CDH7: variants seen among roughly 807,000 people sequenced by gnomAD.
The protein encoded by CDH7 is cadherin-7.
Under a neutral mutation model 71.8 loss-of-function variants are expected in CDH7, and 25 were observed. That is an observed-to-expected ratio of 0.35 (90% CI 0.25 to 0.49). The LOEUF is 0.49. CDH7 is among the 20% of genes least tolerant of loss of function. The probability of loss-of-function intolerance (pLI) is 0.99; values close to 1 mark genes in which losing one functional copy is unlikely to be tolerated. For synonymous variants in CDH7, 381 were observed against 363.8 expected (o/e 1.05, Z -0.54); for missense variants, 862 against 974.6 (o/e 0.88, Z 1.54).
Position 65,843,996 on chromosome 18 carries a change from C to G in CDH7, c.1166C>G (p.Ala389Gly). 1 of 1,612,930 alleles carries G rather than the reference C, an allele frequency of 6.2e-7. No homozygotes were observed. Among genetic ancestry groups the G allele is most frequent in the Middle Eastern group, 1.7e-4 (1 of 6,060 alleles). ...SPLYPMEVSEATQVGNIIGTV... is the reference protein window; with the variant it reads ...SPLYPMEVSEGTQVGNIIGTV... ...TTGTACCCTATGGAGGTGTCGGAAG[C>G]TACCCAGGTTGGGAATATCATTGGC... The change falls in exon 7 of 12, where the codon GCT becomes GGT. Residue 389 changes from alanine (A) to glycine (G), a missense_variant. Coordinates refer to ENST00000397968, the MANE Select transcript of CDH7 (RefSeq NM_004361.5).
In CDH7 at chr18:65,880,472, A is replaced by G; in HGVS notation, c.1936A>G (p.Ile646Val). ...EPLIFDEERD[I>V]RENIVRYDDE... ...CCTTATTTTTGACGAAGAAAGAGAC[A>G]TCAGAGAAAATATTGTGAGATACGA... The change falls in exon 12 of 12, where the codon ATC becomes GTC. Residue 646 changes from isoleucine (I) to valine (V), a missense_variant. Ile to Val is a conservative substitution (Grantham distance 29). Coordinates refer to ENST00000397968, the MANE Select transcript of CDH7 (RefSeq NM_004361.5). 6.3e-7 allele frequency: 1 copy of G among 1,595,268 alleles called. No individual in the cohort carries two copies. The highest frequency in any genetic ancestry group is 8.5e-7 in the Non-Finnish European group (1 of 1,174,594).
chr18:65,855,626 A>G (rs920491099), intron 7 of CDH7, among the ~76,000 whole-genome samples: 13 of 152,310 alleles, frequency 8.5e-5, no homozygotes, highest in African/African-American at 3.1e-4. Context: ...AAATGGAAAT[A>G]TCCAAGCCCA....
intron 6 of CDH7, among the ~76,000 whole-genome samples, chr18:65,841,407 A>G (rs1045638633): frequency 6.6e-6 from 1 of 152,178 alleles, no homozygotes; most frequent in Non-Finnish European, 1.5e-5. Context: ...GAAAACCTGA[A>G]TAAATAACTT....
chr18:65,797,317 T>C (rs766772537), intron 2 of CDH7, among the ~76,000 whole-genome samples: 4 of 152,210 alleles, frequency 2.6e-5, no homozygotes, highest in Non-Finnish European at 5.9e-5. Context: ...CACTCTCTTT[T>C]TTCCCTTTTT....
chr18:65,811,492 A>T (rs1159323657), intron 3 of CDH7, among the ~76,000 whole-genome samples: 2 of 152,128 alleles, frequency 1.3e-5, no homozygotes, highest in Admixed American at 1.3e-4. Context: ...CATTGCTAGC[A>T]TTTCTGTGAC....
At chr18:65,781,778 C>T (rs1178480159) in intron 2 of CDH7, among the ~76,000 whole-genome samples, 2,582 of 61,424 alleles carry the variant, frequency 0.042, 151 homozygotes, top group African/African-American at 0.058. Flanking sequence ...TTCCTTCCTT[C>T]CTTCCTTCCT....
At chr18:65,813,739 G>A (rs4941354) in intron 3 of CDH7, among the ~76,000 whole-genome samples, 148,752 of 152,204 alleles carry the variant, frequency 0.98, 72,767 homozygotes, top group East Asian at 1. Flanking sequence ...GGAAAAAAAG[G>A]AAAACAGATC....
At chr18:65,778,038 C>T (rs750045718) in intron 2 of CDH7, among the ~76,000 whole-genome samples, 7 of 151,948 alleles carry the variant, frequency 4.6e-5, no homozygotes, top group Admixed American at 1.3e-4. Flanking sequence ...TTTGGAAAGC[C>T]GAGGCGGGTG....
intron 2 of CDH7, among the ~76,000 whole-genome samples, chr18:65,802,792 A>T (rs1274958036): frequency 6.6e-6 from 1 of 152,126 alleles, no homozygotes; most frequent in African/African-American, 2.4e-5. Context: ...CAGAGATAGG[A>T]TGAGTGGGGT....
At chr18:65,812,401 C>T (rs7237083) in intron 3 of CDH7, among the ~76,000 whole-genome samples, 149,343 of 152,348 alleles carry the variant, frequency 0.98, 73,256 homozygotes, top group Non-Finnish European at 1. Flanking sequence ...AATATAAAAA[C>T]TGGAACATAG....
chr18:65,838,416 C>G (rs2143976350), intron 6 of CDH7, among the ~76,000 whole-genome samples: 1 of 152,264 alleles, frequency 6.6e-6, no homozygotes, highest in Middle Eastern at 3.4e-3. Context: ...GAAAGAAATA[C>G]TCTTAATGAA....
intron 11 of CDH7, among the ~76,000 whole-genome samples, chr18:65,871,487 A>G (rs1410601060): frequency 6.6e-6 from 1 of 152,194 alleles, no homozygotes; most frequent in Non-Finnish European, 1.5e-5. Flanking sequence ...CCATGGGCTG[A>G]GGGACGGGAC....
At chr18:65,849,349 CTTTTCTTTTCTTTTCTTTT>C (rs1568218279) in intron 7 of CDH7, among the ~76,000 whole-genome samples, 1 of 10,914 alleles carries the variant, frequency 9.2e-5, no homozygotes, top group Non-Finnish European at 1.5e-4. Flanking sequence ...TTTTTCTTTT[CTTTTCTTTTCTTTTCTTTT>C]CTTTTCTTTT....
intron 2 of CDH7, among the ~76,000 whole-genome samples, chr18:65,773,500 T>A (rs1916607194): frequency 6.6e-6 from 1 of 152,094 alleles, no homozygotes; most frequent in Non-Finnish European, 1.5e-5. Context: ...GAAGCAGGAA[T>A]TGTCTTGAAA....
At chr18:65,777,975 A>G (rs975137161) in intron 2 of CDH7, among the ~76,000 whole-genome samples, 1 of 152,114 alleles carries the variant, frequency 6.6e-6, no homozygotes, top group Non-Finnish European at 1.5e-5. Flanking sequence ...TACTATTTTT[A>G]TTTAGAACTA....
chr18:65,826,896 GT>G (rs33952161), intron 6 of CDH7, among the ~76,000 whole-genome samples: 8,979 of 150,120 alleles, frequency 0.06, 378 homozygotes, highest in South Asian at 0.12. Context: ...AAGTTCTTAA[GT>G]TTGTGTATTG....
In CDH7 at chr18:65,885,390, T is replaced by TTTTTTTTTTTTTTTG. The variant is rs1914348778; in HGVS notation, c.*4501_*4502insTTTTTTTTTGTTTTT. The TTTTTTTTTTTTTTTG allele has an allele frequency of 7.5e-6, 1 of 133,622 alleles. No homozygotes were observed. Among genetic ancestry groups the TTTTTTTTTTTTTTTG allele is most frequent in the Non-Finnish European group, 1.6e-5 (1 of 62,460 alleles). 8.3% of individuals were successfully genotyped at this position (133,622 alleles called of 1,614,324 possible). ...TGCCTGTGTTTTTTTTTTTTTTTTT[T>TTTTTTTTTTTTTTTG]TTTTTGACGTGGAGTCTCGCTCTGT... On this transcript the variant is annotated 3_prime_UTR_variant, in exon 12 of 12. Transcript: ENST00000397968.
intron 2 of CDH7, among the ~76,000 whole-genome samples, chr18:65,795,855 C>A (rs147026347): frequency 5.6e-4 from 85 of 151,962 alleles, no homozygotes; most frequent in African/African-American, 1.9e-3. Context: ...GGAGGCAGTT[C>A]CCCCATGCTG....
chr18:65,818,713 C>T (rs1911810108), intron 4 of CDH7, among the ~76,000 whole-genome samples: 1 of 152,144 alleles, frequency 6.6e-6, no homozygotes, highest in South Asian at 2.1e-4. Context: ...TTCTCATTCA[C>T]TAGGGAATAA....
Sources: gnomAD v4.1 joint callset for allele counts (sites outside exome capture counted in the v4.1 genomes callset) on GRCh38, gnomAD v4.1.1 for gene constraint, MANE v1.5 for transcripts, NCBI Gene and HGNC (gene_info 2026-07-23, HGNC 2026-07-21) for gene names.